The following PDE1C variants were observed in gnomAD, a reference collection of about 807,000 sequenced individuals.
PDE1C encodes the protein dual specificity calcium/calmodulin-dependent 3',5'-cyclic nucleotide phosphodiesterase 1C.
A neutral mutation model predicts 93.1 loss-of-function variants in PDE1C; 62 were observed. The ratio of observed to expected loss-of-function variants is 0.67; its 90% CI spans 0.54 to 0.82. The LOEUF is 0.82. Among genes scored for constraint, PDE1C ranks in the 40% least tolerant of loss-of-function variants. PDE1C has a pLI of 0.00. For missense variants in PDE1C, 742 were observed against 884.6 expected (o/e 0.84, Z 2.04); for synonymous variants, 325 against 310.1 (o/e 1.05, Z -0.50).
intron 2 of PDE1C, among the ~76,000 whole-genome samples, chr7:31,965,451 G>T (rs963216825): frequency 2.0e-5 from 3 of 152,156 alleles, no homozygotes; most frequent in African/African-American, 7.2e-5. Flanking sequence ...AGAAATATGG[G>T]ACTATGTGAA....
chr7:31,851,097 C>T (rs865901720), intron 7 of PDE1C, among the ~76,000 whole-genome samples: 197 of 2,614 alleles, frequency 0.075, 2 homozygotes, highest in Middle Eastern at 0.25. Context: ...CACACACACA[C>T]ACATAAAAAA....
At chr7:32,251,839 G>A (rs181763634) in intron 1 of PDE1C, among the ~76,000 whole-genome samples, 211 of 152,264 alleles carry the variant, frequency 1.4e-3, no homozygotes, top group Admixed American at 2.5e-3. Context: ...TGCTGACAAA[G>A]GTTGGCCATG....
chr7:32,426,043 CA>C (rs1012646348), intron 1 of PDE1C, among the ~76,000 whole-genome samples: 1 of 152,094 alleles, frequency 6.6e-6, no homozygotes, highest in African/African-American at 2.4e-5. Context: ...CTCCCACACA[CA>C]AAAAATATAT....
chr7:32,120,828 A>T (rs1202417993), intron 3 of PDE1C, among the ~76,000 whole-genome samples: 1 of 152,140 alleles, frequency 6.6e-6, no homozygotes, highest in Non-Finnish European at 1.5e-5. Flanking sequence ...CTCTCCTCCA[A>T]ATGATCGCAG....
chr7:31,778,348 A>G (rs1783159547), intron 16 of PDE1C, among the ~76,000 whole-genome samples: 1 of 152,156 alleles, frequency 6.6e-6, no homozygotes, highest in Non-Finnish European at 1.5e-5. Flanking sequence ...CTCTGCCCGA[A>G]ATGCCTCTGT....
intron 11 of PDE1C, among the ~76,000 whole-genome samples, chr7:31,833,585 C>A (rs1259627518): frequency 6.6e-6 from 1 of 152,112 alleles, no homozygotes; most frequent in Non-Finnish European, 1.5e-5. Context: ...TAGTTGGGAA[C>A]TGGAGTAAAA....
intron 1 of PDE1C, among the ~76,000 whole-genome samples, chr7:32,268,701 G>A (rs1181381573): frequency 6.6e-6 from 1 of 152,064 alleles, no homozygotes; most frequent in African/African-American, 2.4e-5. Flanking sequence ...CCTTTCACTG[G>A]AAGGGAAAAA....
the PDE1C span, among the ~76,000 whole-genome samples, chr7:31,727,703 AT>A: frequency 2.6e-5 from 4 of 152,120 alleles, no homozygotes; most frequent in African/African-American, 7.2e-5. Context: ...GCTTTCTTTA[AT>A]TTTTTTAGAC....
chr7:31,643,027 G>A, the PDE1C span: 2 of 1,613,984 alleles, frequency 1.2e-6, no homozygotes, highest in Non-Finnish European at 8.5e-7. Flanking sequence ...TGAGTATGAG[G>A]TCACCAGACC....
intron 6 of PDE1C, among the ~76,000 whole-genome samples, chr7:31,872,786 T>C (rs780432471): frequency 6.6e-6 from 1 of 152,136 alleles, no homozygotes; most frequent in Non-Finnish European, 1.5e-5. Context: ...AAGTTCTTTA[T>C]GTAAAGTTGA....
At chr7:32,419,717 C>T (rs760659227) in intron 1 of PDE1C, among the ~76,000 whole-genome samples, 2 of 152,012 alleles carry the variant, frequency 1.3e-5, no homozygotes, top group Non-Finnish European at 2.9e-5. Flanking sequence ...AGGAAAAACC[C>T]AGGGCTTTGC....
intron 2 of PDE1C, among the ~76,000 whole-genome samples, chr7:31,919,206 A>C (rs1802309447): frequency 6.6e-6 from 1 of 152,214 alleles, no homozygotes; most frequent in African/African-American, 2.4e-5. Flanking sequence ...AGACAGTACA[A>C]GCATATCAAA....
At chr7:32,064,788 T>C (rs954677744) in intron 1 of PDE1C, among the ~76,000 whole-genome samples, 1 of 152,142 alleles carries the variant, frequency 6.6e-6, no homozygotes, top group East Asian at 1.9e-4. Flanking sequence ...CCTCAAACTA[T>C]GAGCATACAT....
At chr7:32,321,881 T>C (rs777659092) in intron 1 of PDE1C, among the ~76,000 whole-genome samples, 1 of 152,198 alleles carries the variant, frequency 6.6e-6, no homozygotes, top group Non-Finnish European at 1.5e-5. Context: ...CCCACAAAGA[T>C]CACTTCTTCT....
intron 1 of PDE1C, among the ~76,000 whole-genome samples, chr7:32,244,372 A>G (rs1455259301): frequency 2.6e-5 from 4 of 152,250 alleles, no homozygotes; most frequent in African/African-American, 9.6e-5. Flanking sequence ...AAAATCACAC[A>G]TGAAAGCTGG....
At chr7:31,799,825 T>C (rs1026232649) in intron 16 of PDE1C, among the ~76,000 whole-genome samples, 3 of 151,720 alleles carry the variant, frequency 2.0e-5, no homozygotes, top group African/African-American at 7.2e-5. Context: ...ATGATTATCT[T>C]GAGAAATATT....
rs564339879 is a variant in PDE1C at position 32,056,346 on chromosome 7, C to G, written c.102-4766G>C. Among the ~76,000 whole-genome samples the G allele has an allele frequency of 2.0e-3, 280 of 138,646 alleles. 1 individual carries two copies. Among genetic ancestry groups the G allele is most frequent in the Admixed American group, 3.5e-3 (45 of 12,878 alleles). 91.0% of individuals were successfully genotyped at this position (138,646 alleles called of 152,430 possible). ...TCTCTCTCTCTCTCTCTCTCTCTCTCTCTCTCTCTCTCTCTCACTGAAACA... is the reference window on the plus strand; with the variant it reads ...TCTCTCTCTCTCTCTCTCTCTCTCTGTCTCTCTCTCTCTCTCACTGAAACA... On this transcript the variant is annotated intron_variant, in intron 1 of 17. Coordinates refer to ENST00000396191, the MANE Select transcript of PDE1C (RefSeq NM_001191057.4).
At chr7:31,953,375 T>C (rs530890562) in intron 2 of PDE1C, among the ~76,000 whole-genome samples, 35 of 152,286 alleles carry the variant, frequency 2.3e-4, no homozygotes, top group South Asian at 1.2e-3. Flanking sequence ...GGCTTTGGAT[T>C]CTTCAATCTC....
intron 17 of PDE1C, among the ~76,000 whole-genome samples, chr7:31,767,158 T>C (rs1001566048): frequency 8.5e-5 from 13 of 152,246 alleles, no homozygotes; most frequent in South Asian, 2.1e-4. Flanking sequence ...TATCATTCTT[T>C]ATTCTTTGCT....
Sources: gnomAD v4.1 joint callset for allele counts (sites outside exome capture counted in the v4.1 genomes callset) on GRCh38, gnomAD v4.1.1 for gene constraint, MANE v1.5 for transcripts, NCBI Gene and HGNC (gene_info 2026-07-23, HGNC 2026-07-21) for gene names.